Variants in MIB2 observed in about 807,000 individuals in gnomAD.
MIB2 encodes E3 ubiquitin-protein ligase MIB2.
Under a neutral mutation model 96.6 loss-of-function variants are expected in MIB2, and 78 were observed. The ratio of observed to expected loss-of-function variants is 0.81; its 90% CI spans 0.67 to 0.97. The LOEUF is 0.97. MIB2 is among the 50% of genes least tolerant of loss of function. The pLI is 0.00. For missense variants in MIB2, 1,543 were observed against 1,424.0 expected (o/e 1.08, Z -1.35); for synonymous variants, 820 against 629.5 (o/e 1.30, Z -4.53).
At chr1:1,622,773 G>A (rs1644374614) in intron 2 of MIB2, among the ~76,000 whole-genome samples, 1 of 152,234 alleles carries the variant, frequency 6.6e-6, no homozygotes, top group Non-Finnish European at 1.5e-5. Flanking sequence ...GTGGTGCTGT[G>A]TGGCCTCGCT....
chr1:1,623,876 A>G lies in MIB2; in HGVS notation c.350A>G (p.Gln117Arg). ...RVCLDYDLCT[Q>R]CYMHNKHELA... ...TGCCTGGACTACGACCTCTGCACGC[A>G]GTGCTACATGCACAACAAGCATGAG... The change falls in exon 4 of 20, where the codon CAG becomes CGG. Residue 117 changes from glutamine (Q) to arginine (R), a missense_variant. Physicochemically the swap from Gln to Arg is conservative, Grantham distance 43. Coordinates refer to ENST00000355826, the MANE Select transcript of MIB2 (RefSeq NM_001170687.4). 4 of 1,612,108 alleles carry G rather than the reference A, an allele frequency of 2.5e-6. No individual in the cohort carries two copies. Among genetic ancestry groups the G allele is most frequent in the South Asian group, 2.2e-5 (2 of 90,984 alleles).
At position 1,615,567 on chromosome 1, in the gene MIB2, A is replaced by G; in HGVS notation, c.-196A>G. 6.5e-7 allele frequency: 1 copy of G among 1,539,654 alleles called. No homozygotes were observed. Among genetic ancestry groups the G allele is most frequent in the Non-Finnish European group, 8.7e-7 (1 of 1,146,864 alleles). On this transcript the variant is annotated 5_prime_UTR_variant, in exon 1 of 20. Transcript: ENST00000355826. The stretch of plus-strand genomic sequence containing the variant: ...GCCCGGTGGCCCAGGAGGGCCTGGG[A>G]GCCCGAAGCCGTCCCCGAGTCGCTC...
At chr1:1,616,801 G>C in intron 2 of MIB2, 187 bp downstream of exon 2, 1 of 545,502 alleles carries the variant, frequency 1.8e-6, no homozygotes, top group Non-Finnish European at 3.2e-6. Context: ...AGAGGTGCCA[G>C]ACAGGCCTCT....
In MIB2 at chr1:1,625,001, GA is replaced by G; in HGVS notation, c.540del (p.Lys180AsnfsTer22). The G allele has an allele frequency of 6.2e-7, 1 of 1,611,668 alleles. No individual in the cohort carries two copies. Among genetic ancestry groups the G allele is most frequent in the Non-Finnish European group, 8.5e-7 (1 of 1,179,098 alleles). On this transcript the variant is annotated frameshift_variant, in exon 6 of 20. Coordinates refer to ENST00000355826, the MANE Select transcript of MIB2 (RefSeq NM_001170687.4). LOFTEE classifies it high-confidence loss of function. This position sits in a 1 kb window ranked among gnomAD's most constrained non-coding sequence, Gnocchi z 5.0. ...GGCCTCTTTCCCCAGGAGGGGAAGG[GA>G]AACCGGGCCGTGTGGTGGACATCCG... ...EWGSQDGGEG[K>X]PGRVVDIRGW...
At position 1,628,359 on chromosome 1, in the gene MIB2, T is replaced by G. The variant is rs1274279206; in HGVS notation, c.1928T>G (p.Leu643Arg). The change falls in exon 15 of 20, where the codon CTC becomes CGC. Residue 643 changes from leucine (L) to arginine (R), a missense_variant. Coordinates refer to ENST00000355826, the MANE Select transcript of MIB2 (RefSeq NM_001170687.4). ...TTCACGGCGCTGCATCTGGCTGCCC[T>G]CAACAACCACCGCGAGGTGGCCCAG... ...DGFTALHLAA[L>R]NNHREVAQIL... The G allele has an allele frequency of 6.2e-7, 1 of 1,612,694 alleles. No individual in the cohort carries two copies. The highest frequency in any genetic ancestry group is 8.5e-7 in the Non-Finnish European group (1 of 1,179,896).
upstream of MIB2, chr1:1,615,494 G>C: frequency 6.5e-7 from 1 of 1,527,174 alleles, no homozygotes; most frequent in Non-Finnish European, 8.7e-7. Flanking sequence ...CGGGCCCTGG[G>C]CTCCCGCCCT....
chr1:1,625,087 C>A lies in MIB2; in HGVS notation c.623C>A (p.Thr208Asn). Residue 208 changes from threonine to asparagine, a missense_variant, in exon 6 of 20, where the codon ACC becomes AAC. Physicochemically the swap from Thr to Asn is moderately conservative, Grantham distance 65. Transcript: ENST00000355826. The surrounding 1 kb of genome is among the most constrained non-coding windows in gnomAD (Gnocchi z 5.0). Reference sequence around the variant, plus strand: ...AGCGTGACGTGGGCTGATGGTACCACCAATGTGTACCGTGTGGGCCACAAG... The same window carrying A: ...AGCGTGACGTGGGCTGATGGTACCAACAATGTGTACCGTGTGGGCCACAAG... The part of the protein sequence containing the change: ...VASVTWADGT[T>N]NVYRVGHKGK... The A allele has an allele frequency of 6.2e-7, 1 of 1,613,332 alleles. No individual in the cohort carries two copies. The highest frequency in any genetic ancestry group is 1.3e-5 in the African/African-American group (1 of 75,040).
intron 1 of MIB2, 80 bp from the exon 2 acceptor site, chr1:1,616,428 G>T: frequency 9.5e-7 from 1 of 1,051,698 alleles, no homozygotes; most frequent in Non-Finnish European, 1.3e-6. Flanking sequence ...GAGCCGGCGG[G>T]CAGCCCCGGG....
chr1:1,624,825 G>T lies in MIB2; in HGVS notation c.450G>T (p.Pro150=). Residue 150 remains proline, a synonymous_variant, in exon 5 of 20, where the codon CCG becomes CCT. Coordinates refer to ENST00000355826, the MANE Select transcript of MIB2 (RefSeq NM_001170687.4). ...PVTLSPRQGL[P]RIPLRGIFQG... is the part of the protein sequence containing the mutation. ...CACTGAGTCCCCGCCAGGGCCTCCC[G>T]AGGATCCCACTAAGGGGCATCTTCC... 1 of 1,613,058 alleles carries T rather than the reference G, an allele frequency of 6.2e-7. No homozygotes were observed.
intron 2 of MIB2, among the ~76,000 whole-genome samples, chr1:1,621,817 A>G (rs987548959): frequency 1.7e-4 from 26 of 152,126 alleles, no homozygotes; most frequent in Admixed American, 6.5e-4. Flanking sequence ...ACGGATCGGG[A>G]GCCCAGCCCT....
Position 1,628,742 on chromosome 1 carries a change from G to A in MIB2, c.2202+20G>A, listed in dbSNP as rs1645062943. The A allele has an allele frequency of 6.7e-7, 1 of 1,494,880 alleles. No homozygotes were observed. Among genetic ancestry groups the A allele is most frequent in the African/African-American group, 1.4e-5 (1 of 72,034 alleles). 92.6% of individuals were successfully genotyped at this position (1,494,880 alleles called of 1,614,324 possible). A position where few individuals can be genotyped will look rare whatever the true frequency, so the allele number is the denominator to read the frequency against. On this transcript the variant is annotated intron_variant, in intron 16 of 19. Transcript: ENST00000355826. Reference sequence around the variant, plus strand: ...TCCAGGGTGAGGAAGTGTGGCGTGGGGTGCTGGAGAGGCTGCGGTGGCGCC... The same window carrying A: ...TCCAGGGTGAGGAAGTGTGGCGTGGAGTGCTGGAGAGGCTGCGGTGGCGCC...
intron 19 of MIB2, among the ~76,000 whole-genome samples, chr1:1,630,061 G>A (rs897201659): frequency 1.0e-5 from 1 of 96,698 alleles, no homozygotes; most frequent in Non-Finnish European, 2.0e-5. Flanking sequence ...CAGCCCACCT[G>A]CAGCCCTGAC....
At chr1:1,627,856 C>T (rs1406254954) in intron 13 of MIB2, 27 bp downstream of exon 13, 3 of 1,589,522 alleles carry the variant, frequency 1.9e-6, no homozygotes, top group Admixed American at 3.4e-5. Context: ...GGCCTGGGTG[C>T]CCCCTGCCCG....
chr1:1,615,260 A>G (rs374446024), upstream of MIB2: 14 of 1,112,168 alleles, frequency 1.3e-5, no homozygotes, highest in South Asian at 1.5e-4. Flanking sequence ...AAGTGCCGCC[A>G]GTGCCAGCGA....
chr1:1,625,663 G>C lies in MIB2; in HGVS notation c.972+10G>C. 6.5e-7 allele frequency: 1 copy of C among 1,549,512 alleles called. No homozygotes were observed. On this transcript the variant is annotated intron_variant, in intron 8 of 19. Transcript: ENST00000355826. The surrounding 1 kb of genome is among the most constrained non-coding windows in gnomAD (Gnocchi z 5.0). Reference sequence around the variant, plus strand: ...CGGGGCGCTCACCAAGGTGCCGGGGGGGCTGGGCTGCGCCTCATCTGCTTG... The same window carrying C: ...CGGGGCGCTCACCAAGGTGCCGGGGCGGCTGGGCTGCGCCTCATCTGCTTG...
chr1:1,620,007 C>T lies in MIB2; in HGVS notation c.-23+3393C>T, dbSNP rs116172997. Among the ~76,000 whole-genome samples the T allele has an allele frequency of 8.0e-3, 1,218 of 152,374 alleles. 13 individuals carry two copies. Among genetic ancestry groups the T allele is most frequent in the African/African-American group, 0.028 (1,149 of 41,590 alleles). ...GCACTCCACCCCACTGCCCCTGTGA[C>T]GCGGGGGCCGCCAAGGCTTGGTCTT... On this transcript the variant is annotated intron_variant, in intron 2 of 19. Transcript: ENST00000355826.
chr1:1,627,251 TGA>T, intron 11 of MIB2, 43 bp from the exon 12 acceptor site: 3 of 1,611,882 alleles, frequency 1.9e-6, no homozygotes, highest in Non-Finnish European at 2.5e-6. Context: ...AGTCTGAGAG[TGA>T]GGGGCAGAGG....
At position 1,627,759 on chromosome 1, in the gene MIB2, T is replaced by C; in HGVS notation, c.1610T>C (p.Val537Ala). 6.3e-7 allele frequency: 1 copy of C among 1,597,508 alleles called. No homozygotes were observed. The highest frequency in any genetic ancestry group is 8.5e-7 in the Non-Finnish European group (1 of 1,179,202). ...INSTQSTALH[V>A]AVQRGFLEVV... ...AGCACCCAGAGCACAGCACTGCACG[T>C]GGCCGTGCAGAGGGGCTTCCTGGAG... Residue 537 changes from valine (V) to alanine (A), a missense_variant, in exon 13 of 20, where the codon GTG becomes GCG. By Grantham distance (64) the Val-to-Ala change is moderately conservative (BLOSUM62 0). Coordinates refer to ENST00000355826, the MANE Select transcript of MIB2 (RefSeq NM_001170687.4).
chr1:1,622,974 C>T (rs918982807), intron 2 of MIB2: 6 of 227,902 alleles, frequency 2.6e-5, no homozygotes, highest in African/African-American at 9.2e-5. Context: ...TGTGTGGACA[C>T]GAGTCCTCTG....
Sources: gnomAD v4.1 joint callset for allele counts (sites outside exome capture counted in the v4.1 genomes callset) on GRCh38, gnomAD v4.1.1 for gene constraint, Gnocchi (gnomAD v3.1) non-coding constraint, MANE v1.5 for transcripts, NCBI Gene and HGNC (gene_info 2026-07-23, HGNC 2026-07-21) for gene names.